COG5: variants seen among roughly 807,000 people sequenced by gnomAD.
COG5 encodes conserved oligomeric Golgi complex subunit 5.
In COG5, 86 loss-of-function variants were observed where a neutral mutation model predicts 110.4. The observed-to-expected ratio is 0.78, with a 90% CI of 0.65 to 0.93. The LOEUF is 0.93. COG5 is among the 40% of genes least tolerant of loss of function. The pLI is 0.00. For synonymous variants in COG5, 360 were observed against 334.6 expected, an observed-to-expected ratio of 1.08 and a Z score of -0.83; for missense variants, 1,077 against 987.0, an observed-to-expected ratio of 1.09 and a Z score of -1.22.
chr7:107,224,803 C>A (rs1298806882), intron 19 of COG5, among the ~76,000 whole-genome samples: 1 of 152,210 alleles, frequency 6.6e-6, no homozygotes, highest in Non-Finnish European at 1.5e-5. Context: ...TGTAGAAATA[C>A]AAATCACCCA....
intron 12 of COG5, among the ~76,000 whole-genome samples, chr7:107,295,038 T>TATACAC (rs1554408168): frequency 3.7e-5 from 2 of 53,378 alleles, no homozygotes; most frequent in Non-Finnish European, 7.0e-5. Context: ...CACACACATA[T>TATACAC]ACACACACAC....
At chr7:107,557,625 C>T (rs1053475888) in intron 2 of COG5, among the ~76,000 whole-genome samples, 9 of 152,150 alleles carry the variant, frequency 5.9e-5, no homozygotes, top group African/African-American at 1.7e-4. Flanking sequence ...GTATGAATTG[C>T]GAATGTAACA....
intron 6 of COG5, among the ~76,000 whole-genome samples, chr7:107,494,305 T>G (rs181419676): frequency 6.6e-6 from 1 of 152,160 alleles, no homozygotes; most frequent in Non-Finnish European, 1.5e-5. Context: ...TGGTCAGGCA[T>G]AGTTTCCAGC....
intron 10 of COG5, among the ~76,000 whole-genome samples, chr7:107,335,844 C>G (rs1437264592): frequency 6.6e-6 from 1 of 152,066 alleles, no homozygotes; most frequent in Non-Finnish European, 1.5e-5. Context: ...ATAAAAGAGA[C>G]TACAAGCCAA....
chr7:107,375,636 T>G (rs773622238), intron 7 of COG5, among the ~76,000 whole-genome samples: 3 of 152,062 alleles, frequency 2.0e-5, no homozygotes, highest in Admixed American at 6.6e-5. Context: ...CATTTGGATA[T>G]CTTCTTTTGT....
At chr7:107,495,390 G>A (rs559341530) in intron 6 of COG5, among the ~76,000 whole-genome samples, 1 of 152,184 alleles carries the variant, frequency 6.6e-6, no homozygotes, top group South Asian at 2.1e-4. Flanking sequence ...ACAATGCAGG[G>A]AAAATAATGT....
In COG5 at chr7:107,413,340, C is replaced by A. The variant is rs370006474; in HGVS notation, c.539-708G>T. Among the ~76,000 whole-genome samples, 29 of 152,054 alleles carry A rather than the reference C, an allele frequency of 1.9e-4. 1 individual carries two copies. In the South Asian group the frequency reaches 6.0e-3, roughly 32 times the overall value. On this transcript the variant is annotated intron_variant, in intron 6 of 21. Coordinates refer to ENST00000297135, the MANE Select transcript of COG5 (RefSeq NM_006348.5). ...CCTTCATCATATTATATAACCACCA[C>A]CAGCTTCCACCTCCCCAGTTATCCA...
chr7:107,425,240 A>G (rs1368421945), intron 6 of COG5, among the ~76,000 whole-genome samples: 2 of 152,072 alleles, frequency 1.3e-5, no homozygotes, highest in African/African-American at 4.8e-5. Flanking sequence ...ATCCACTGAT[A>G]GAAGCCCTTT....
intron 7 of COG5, among the ~76,000 whole-genome samples, chr7:107,397,108 G>C (rs541318295): frequency 3.7e-4 from 57 of 152,314 alleles, no homozygotes; most frequent in African/African-American, 1.3e-3. Flanking sequence ...CTCTTTGCCA[G>C]ACACTTGTTT....
At chr7:107,360,876 A>C (rs529411927) in intron 10 of COG5, among the ~76,000 whole-genome samples, 4 of 152,318 alleles carry the variant, frequency 2.6e-5, no homozygotes, top group African/African-American at 9.6e-5. Context: ...TGCTAGGCCA[A>C]GAGGGCGGAA....
At chr7:107,403,868 C>T (rs189410732) in intron 7 of COG5, among the ~76,000 whole-genome samples, 2 of 152,060 alleles carry the variant, frequency 1.3e-5, no homozygotes, top group East Asian at 1.9e-4. Flanking sequence ...AATGAAGTGA[C>T]AATTTATCTG....
intron 7 of COG5, among the ~76,000 whole-genome samples, chr7:107,398,352 C>G (rs533595903): frequency 6.6e-6 from 1 of 152,190 alleles, no homozygotes; most frequent in Non-Finnish European, 1.5e-5. Flanking sequence ...GAGTCGGTGG[C>G]TGTTAGGAAC....
At chr7:107,299,826 C>CATATATATATATATATATATATAT (rs71856513) in intron 11 of COG5, among the ~76,000 whole-genome samples, 7 of 103,200 alleles carry the variant, frequency 6.8e-5, no homozygotes, top group African/African-American at 9.5e-5. Context: ...TCATAGTTGG[C>CATATATATATATATATATATATAT]ATATATATAT....
intron 6 of COG5, among the ~76,000 whole-genome samples, chr7:107,515,971 C>T (rs980615465): frequency 6.6e-6 from 1 of 152,204 alleles, no homozygotes; most frequent in South Asian, 2.1e-4. Context: ...CTTACTCATG[C>T]TTAAATAACA....
At chr7:107,271,056 C>A (rs1211398932) in intron 14 of COG5, among the ~76,000 whole-genome samples, 1 of 151,758 alleles carries the variant, frequency 6.6e-6, no homozygotes, top group African/African-American at 2.4e-5. Context: ...TGTAGTAGAG[C>A]AAATCGCTCT....
At chr7:107,308,521 G>C (rs1807925857) in intron 11 of COG5, among the ~76,000 whole-genome samples, 1 of 152,018 alleles carries the variant, frequency 6.6e-6, no homozygotes, top group African/African-American at 2.4e-5. Flanking sequence ...ATCATCCTTA[G>C]GTCTGCTAAT....
chr7:107,417,539 T>A (rs1189586989), intron 6 of COG5, among the ~76,000 whole-genome samples: 1 of 152,168 alleles, frequency 6.6e-6, no homozygotes, highest in Non-Finnish European at 1.5e-5. Context: ...ATTTTCAATA[T>A]CCAGAATTAT....
intron 7 of COG5, among the ~76,000 whole-genome samples, chr7:107,399,484 G>A (rs1791267989): frequency 6.6e-6 from 1 of 151,794 alleles, no homozygotes; most frequent in Admixed American, 6.6e-5. Flanking sequence ...TTTATAATGG[G>A]CTCTTTCCCC....
chr7:107,501,964 C>T (rs1054186290), intron 6 of COG5, among the ~76,000 whole-genome samples: 12 of 152,224 alleles, frequency 7.9e-5, no homozygotes, highest in African/African-American at 2.9e-4. Flanking sequence ...AAACAAGTCA[C>T]TTCAGACTCA....
Sources: allele counts gnomAD v4.1 joint callset (sites outside exome capture counted in the v4.1 genomes callset), GRCh38; gene constraint gnomAD v4.1.1; transcripts MANE v1.5; gene names NCBI Gene and HGNC (gene_info 2026-07-23, HGNC 2026-07-21).